The following SYN3 variants were observed in gnomAD, a reference collection of about 807,000 sequenced individuals.
SYN3 encodes synapsin III.
Under a neutral mutation model 65.8 loss-of-function variants are expected in SYN3, and 35 were observed. The ratio of observed to expected loss-of-function variants is 0.53; its 90% confidence interval spans 0.41 to 0.70. The LOEUF (loss-of-function observed/expected upper bound fraction) is 0.70, where lower values mean the gene tolerates loss of function less well. Ranked by LOEUF, SYN3 falls within the 30% of genes least tolerant of loss-of-function variation. The pLI is 0.00. For missense variants in SYN3, 680 were observed against 749.0 expected (o/e 0.91, Z 1.08); for synonymous variants, 270 against 292.9 (o/e 0.92, Z 0.80).
In SYN3 at chr22:33,006,827, G is replaced by A; in HGVS notation, c.-162-3C>T. On this transcript the variant is annotated splice_region_variant and splice_polypyrimidine_tract_variant and intron_variant, in intron 1 of 13. Transcript: ENST00000358763. ...CTTTAGCTGCCTTTATTTACCTGCT[G>A]GAAATAAGCCAACAAATACATAAGT... 1 of 595,724 alleles carries A rather than the reference G, an allele frequency of 1.7e-6. No homozygotes were observed. Among genetic ancestry groups the A allele is most frequent in the East Asian group, 2.8e-5 (1 of 35,786 alleles). 36.9% of individuals were successfully genotyped at this position (595,724 alleles called of 1,614,324 possible).
intron 4 of SYN3, among the ~76,000 whole-genome samples, chr22:32,892,908 G>A (rs241891): frequency 0.012 from 1,761 of 152,168 alleles, 28 homozygotes; most frequent in African/African-American, 0.04. Flanking sequence ...TGAATTTAAG[G>A]GAAAAAGAGA....
intron 7 of SYN3, among the ~76,000 whole-genome samples, chr22:32,542,326 T>C (rs1260502160): frequency 2.0e-5 from 3 of 152,084 alleles, no homozygotes; most frequent in Non-Finnish European, 4.4e-5. Flanking sequence ...TGTGTATGTG[T>C]AGGGAGCATG....
Position 32,849,548 on chromosome 22 carries a change from T to C in SYN3, c.711+15367A>G, listed in dbSNP as rs1186042794. 2.5e-5 allele frequency: 40 copies of C among 1,611,174 alleles called. No homozygotes were observed. The highest frequency in any genetic ancestry group is 3.4e-5 in the Non-Finnish European group (40 of 1,178,598). Reference sequence around the variant, plus strand: ...AAGCAGATGAAGGTAGGTAATGTCATCACCCTGGCTCCGGGAAGGTTTTTG... The same window carrying C: ...AAGCAGATGAAGGTAGGTAATGTCACCACCCTGGCTCCGGGAAGGTTTTTG... On this transcript the variant is annotated intron_variant, in intron 6 of 13. Coordinates refer to ENST00000358763, the MANE Select transcript of SYN3 (RefSeq NM_003490.4).
At chr22:32,972,293 C>A (rs2052043879) in intron 3 of SYN3, among the ~76,000 whole-genome samples, 2 of 152,156 alleles carry the variant, frequency 1.3e-5, no homozygotes, top group Admixed American at 1.3e-4. Context: ...ATATGACAGA[C>A]CCCAGGCCAT....
chr22:32,564,900 T>C (rs759582976), intron 7 of SYN3, among the ~76,000 whole-genome samples: 16 of 148,056 alleles, frequency 1.1e-4, no homozygotes, highest in East Asian at 2.0e-4. Flanking sequence ...ACCCTAACAG[T>C]GCTCCCGGAT....
intron 6 of SYN3, among the ~76,000 whole-genome samples, chr22:32,761,358 C>T (rs555950542): frequency 2.1e-4 from 32 of 152,006 alleles, no homozygotes; most frequent in East Asian, 3.9e-4. Context: ...AAGGGGTGGC[C>T]GATAGAAGCC....
At chr22:32,612,422 G>A (rs1705428116) in intron 6 of SYN3, among the ~76,000 whole-genome samples, 1 of 152,190 alleles carries the variant, frequency 6.6e-6, no homozygotes, top group South Asian at 2.1e-4. Flanking sequence ...TTCAATTGCA[G>A]GACACTCAGT....
In SYN3 at chr22:32,988,307, A is replaced by AAT. The variant is rs2052590967; in HGVS notation, c.312-7606_312-7605insAT. On this transcript the variant is annotated intron_variant, in intron 2 of 13. Coordinates refer to ENST00000358763, the MANE Select transcript of SYN3 (RefSeq NM_003490.4). ...GGCAACAGAGCAAGACTCTGTCTCA[A>AAT]AATAATAATAATAATAATAATAATA... 6.2e-4 allele frequency among the ~76,000 whole-genome samples: 88 copies of AAT among 142,610 alleles called. 2 individuals carry two copies. The highest frequency in any genetic ancestry group is 4.3e-3 in the South Asian group (19 of 4,400). The allele number at this position is 142,610 out of a possible 152,430, so 93.6% of individuals were successfully genotyped here.
intron 2 of SYN3, among the ~76,000 whole-genome samples, chr22:32,984,132 A>G (rs980557544): frequency 3.4e-5 from 5 of 145,104 alleles, no homozygotes; most frequent in African/African-American, 1.3e-4. Flanking sequence ...ATTGTACTCC[A>G]ACCTGGGCGA....
intron 1 of SYN3, among the ~76,000 whole-genome samples, chr22:33,022,231 C>A (rs1223157362): frequency 2.0e-5 from 3 of 152,180 alleles, no homozygotes; most frequent in Non-Finnish European, 2.9e-5. Flanking sequence ...CTAAAATCCC[C>A]TCTGCACAAG....
At chr22:32,676,790 A>G (rs1394755400) in intron 6 of SYN3, among the ~76,000 whole-genome samples, 3 of 149,396 alleles carry the variant, frequency 2.0e-5, no homozygotes, top group African/African-American at 7.4e-5. Context: ...TGATCTGCCC[A>G]CCTCGGCCTC....
intron 6 of SYN3, among the ~76,000 whole-genome samples, chr22:32,666,184 T>C (rs2060287319): frequency 6.6e-6 from 1 of 152,224 alleles, no homozygotes; most frequent in Non-Finnish European, 1.5e-5. Flanking sequence ...ATCACCTGCA[T>C]TATGCCAGTA....
intron 7 of SYN3, among the ~76,000 whole-genome samples, chr22:32,557,440 T>G (rs1479777075): frequency 6.6e-6 from 1 of 152,192 alleles, no homozygotes; most frequent in Non-Finnish European, 1.5e-5. Flanking sequence ...TTCATCTCAT[T>G]TTCACACTCA....
At chr22:32,536,516 G>C (rs1002623458) in intron 9 of SYN3, among the ~76,000 whole-genome samples, 2 of 152,184 alleles carry the variant, frequency 1.3e-5, no homozygotes, top group African/African-American at 2.4e-5. Context: ...TGCTGTAGGG[G>C]ATGCTCCCAC....
chr22:32,703,161 T>C (rs566295338), intron 6 of SYN3, among the ~76,000 whole-genome samples: 160 of 152,360 alleles, frequency 1.1e-3, no homozygotes, highest in Non-Finnish European at 1.4e-3. Context: ...ATACATGTGA[T>C]TTATACAGAA....
At chr22:32,990,237 C>G (rs1313074092) in intron 2 of SYN3, among the ~76,000 whole-genome samples, 2 of 152,074 alleles carry the variant, frequency 1.3e-5, no homozygotes, top group Non-Finnish European at 2.9e-5. Context: ...GAGGCTAAGA[C>G]CATTTATTAT....
At chr22:32,538,653 G>A (rs910051778) in intron 8 of SYN3, among the ~76,000 whole-genome samples, 3 of 152,110 alleles carry the variant, frequency 2.0e-5, no homozygotes, top group Admixed American at 2.0e-4. Context: ...CAATGTCATG[G>A]CCTCTGCAGG....
chr22:32,699,246 G>C (rs996910033), intron 6 of SYN3, among the ~76,000 whole-genome samples: 8 of 152,200 alleles, frequency 5.3e-5, no homozygotes, highest in African/African-American at 1.9e-4. Context: ...ACGTGATGGA[G>C]GGCAGGGTGT....
chr22:32,752,545 G>A (rs894511980), intron 6 of SYN3, among the ~76,000 whole-genome samples: 6 of 152,222 alleles, frequency 3.9e-5, no homozygotes, highest in African/African-American at 1.4e-4. Flanking sequence ...GACTGCTTCT[G>A]CTACTCCTTC....
Sources: gnomAD v4.1 joint callset for allele counts (sites outside exome capture counted in the v4.1 genomes callset) on GRCh38, gnomAD v4.1.1 for gene constraint, MANE v1.5 for transcripts, NCBI Gene and HGNC (gene_info 2026-07-23, HGNC 2026-07-21) for gene names.